Variants in SUMF1 observed in about 807,000 individuals in gnomAD.
The protein encoded by SUMF1 is sulfatase modifying factor 1, also known as formylglycine-generating enzyme.
SUMF1 carries 48 observed loss-of-function variants against 47.6 expected under a neutral mutation model. The ratio of observed to expected loss-of-function variants is 1.01; its 90% CI spans 0.80 to 1.28. SUMF1 has a LOEUF of 1.28. Ranked by LOEUF, SUMF1 falls within the 50% of genes most tolerant of loss-of-function variation. The pLI, the probability that SUMF1 is intolerant of heterozygous loss-of-function variation, is 0.00. For missense variants in SUMF1, 571 were observed against 485.4 expected (o/e 1.18, Z -1.66); for synonymous variants, 230 against 192.1 (o/e 1.20, Z -1.63).
intron 8 of SUMF1, among the ~76,000 whole-genome samples, chr3:4,176,235 A>T (rs914972347): frequency 6.6e-6 from 1 of 152,128 alleles, no homozygotes; most frequent in Non-Finnish European, 1.5e-5. Flanking sequence ...ACACATAATC[A>T]TCAGATTCAC....
chr3:4,036,366 G>A (rs1409155905), intron 9 of SUMF1, among the ~76,000 whole-genome samples: 3 of 152,116 alleles, frequency 2.0e-5, no homozygotes, highest in Non-Finnish European at 4.4e-5. Flanking sequence ...CAAGAACTCT[G>A]CCCTTCCAGA....
chr3:4,248,367 T>G (rs1170688130), intron 8 of SUMF1, among the ~76,000 whole-genome samples: 2 of 152,334 alleles, frequency 1.3e-5, no homozygotes, highest in South Asian at 2.1e-4. Flanking sequence ...AGCTTTGCTG[T>G]ATATTAAAAA....
chr3:4,133,304 T>C (rs890408727), intron 8 of SUMF1, among the ~76,000 whole-genome samples: 3 of 152,174 alleles, frequency 2.0e-5, no homozygotes, highest in Non-Finnish European at 4.4e-5. Context: ...TTTCGGGTTG[T>C]ATGAAGGATA....
At chr3:4,172,042 C>G (rs76654190) in intron 8 of SUMF1, among the ~76,000 whole-genome samples, 12 of 152,104 alleles carry the variant, frequency 7.9e-5, no homozygotes, top group African/African-American at 2.7e-4. Flanking sequence ...GTGGCAAGAA[C>G]TGAGGCAGAG....
At chr3:4,286,308 A>C (rs1018543297) in intron 8 of SUMF1, among the ~76,000 whole-genome samples, 1 of 152,088 alleles carries the variant, frequency 6.6e-6, no homozygotes, top group African/African-American at 2.4e-5. Context: ...GCATGTTATA[A>C]ACATGAGTTT....
intron 8 of SUMF1, among the ~76,000 whole-genome samples, chr3:4,234,859 C>T (rs951619916): frequency 3.9e-5 from 6 of 152,096 alleles, no homozygotes; most frequent in African/African-American, 1.2e-4. Context: ...AAAATAAATT[C>T]GTTTAGCAAG....
chr3:4,084,278 A>G (rs1280304687), intron 8 of SUMF1, among the ~76,000 whole-genome samples: 1 of 152,128 alleles, frequency 6.6e-6, no homozygotes, highest in Non-Finnish European at 1.5e-5. Flanking sequence ...CTTTGCAACC[A>G]CTGGACCCAA....
intron 7 of SUMF1, among the ~76,000 whole-genome samples, chr3:4,409,201 A>G (rs1397988774): frequency 6.6e-6 from 1 of 152,100 alleles, no homozygotes; most frequent in Non-Finnish European, 1.5e-5. Flanking sequence ...TCTGCTGGCA[A>G]TGAAGAAAAG....
intron 8 of SUMF1, among the ~76,000 whole-genome samples, chr3:4,275,630 A>G (rs1489701124): frequency 6.6e-6 from 1 of 152,198 alleles, no homozygotes; most frequent in Non-Finnish European, 1.5e-5. Flanking sequence ...TTCAGGACCT[A>G]TCTGCTGTAA....
chr3:4,389,817 T>A (rs1700797111), intron 7 of SUMF1, among the ~76,000 whole-genome samples: 1 of 152,188 alleles, frequency 6.6e-6, no homozygotes, highest in South Asian at 2.1e-4. Context: ...ATTTGGTTCT[T>A]CTTATATTTT....
intron 8 of SUMF1, among the ~76,000 whole-genome samples, chr3:4,233,446 A>G (rs1296043790): frequency 1.3e-5 from 2 of 151,972 alleles, no homozygotes; most frequent in Admixed American, 6.6e-5. Context: ...TCTTCTTCCT[A>G]TTCCATGAGA....
At chr3:4,295,820 G>A (rs956279620) in intron 8 of SUMF1, among the ~76,000 whole-genome samples, 11 of 152,106 alleles carry the variant, frequency 7.2e-5, no homozygotes, top group Non-Finnish European at 1.2e-4. Context: ...CACAGCTAAA[G>A]TACTTACACT....
At chr3:4,157,103 T>G (rs1694470060) in intron 8 of SUMF1, among the ~76,000 whole-genome samples, 1 of 151,570 alleles carries the variant, frequency 6.6e-6, no homozygotes, top group Non-Finnish European at 1.5e-5. Context: ...TAATCAATAA[T>G]CCCCTTACCC....
At chr3:4,403,983 T>A (rs1474184255) in intron 7 of SUMF1, among the ~76,000 whole-genome samples, 2 of 152,178 alleles carry the variant, frequency 1.3e-5, no homozygotes, top group African/African-American at 2.4e-5. Flanking sequence ...TGTCCTGAAG[T>A]GGAAACAAAC....
chr3:4,411,071 G>T (rs143398346), intron 6 of SUMF1, 93 bp from the exon 7 acceptor site: 2 of 1,014,060 alleles, frequency 2.0e-6, no homozygotes, highest in East Asian at 4.8e-5. Context: ...TTTAATTTCA[G>T]AGTATGAATG....
chr3:4,360,404 T>G (rs964710492), downstream of SUMF1, among the ~76,000 whole-genome samples: 3 of 151,948 alleles, frequency 2.0e-5, no homozygotes, highest in African/African-American at 4.8e-5. Context: ...CTCGGCTCAC[T>G]GCAACCTCCG....
chr3:4,150,361 C>T (rs888855848), intron 8 of SUMF1, among the ~76,000 whole-genome samples: 4 of 151,404 alleles, frequency 2.6e-5, no homozygotes, highest in Admixed American at 2.0e-4. Context: ...CAGGAGTTTG[C>T]GACCAGCCTG....
chr3:4,374,773 T>C (rs984774665), intron 8 of SUMF1, among the ~76,000 whole-genome samples: 2 of 152,180 alleles, frequency 1.3e-5, no homozygotes, highest in African/African-American at 4.8e-5. Flanking sequence ...TAACTTCAAA[T>C]AGAGAAGCAA....
At chr3:4,250,882 T>C (rs1575019628) in intron 8 of SUMF1, among the ~76,000 whole-genome samples, 1 of 152,228 alleles carries the variant, frequency 6.6e-6, no homozygotes, top group African/African-American at 2.4e-5. Flanking sequence ...TGTACCTGTT[T>C]ACCCACGGGT....
Sources: gnomAD v4.1 joint callset for allele counts (sites outside exome capture counted in the v4.1 genomes callset) on GRCh38, gnomAD v4.1.1 for gene constraint, MANE v1.5 for transcripts, NCBI Gene and HGNC (gene_info 2026-07-23, HGNC 2026-07-21) for gene names.